FHL2: variants seen among roughly 807,000 people sequenced by gnomAD.
FHL2 encodes four and a half LIM domains protein 2.
Under a neutral mutation model 32.7 loss-of-function variants are expected in FHL2, and 20 were observed. The observed-to-expected ratio is 0.61, with a 90% CI of 0.43 to 0.89. The LOEUF (loss-of-function observed/expected upper bound fraction) is 0.89, where lower values mean the gene tolerates loss of function less well. FHL2 is among the 40% of genes least tolerant of loss of function. The pLI, the probability that FHL2 is intolerant of heterozygous loss-of-function variation, is 0.00. For synonymous variants in FHL2, 123 were observed against 128.1 expected, an observed-to-expected ratio of 0.96 and a Z score of 0.27; for missense variants, 311 against 358.6, an observed-to-expected ratio of 0.87 and a Z score of 1.07.
Position 105,363,415 on chromosome 2 carries a change from G to A in FHL2, c.558C>T (p.Phe186=), listed in dbSNP as rs892899914. The part of the protein sequence containing the change: ...YREQPWHKEC[F]VCTACRKQLS... ...GCTGCTTCCTGCAGGCGGTGCACAC[G>A]AAGCACTCCTTGTGCCAGGGCTGCT... Residue 186 remains phenylalanine (F), a synonymous_variant, in exon 6 of 7, where the codon TTC becomes TTT. Coordinates refer to ENST00000530340, the MANE Select transcript of FHL2 (RefSeq NM_001318895.3). 5.0e-6 allele frequency: 8 copies of A among 1,613,288 alleles called. No individual in the cohort carries two copies. The highest frequency in any genetic ancestry group is 1.6e-4 in the Middle Eastern group (1 of 6,062).
At chr2:105,428,183 T>G (rs1684319384) in intron 1 of FHL2, among the ~76,000 whole-genome samples, 1 of 152,150 alleles carries the variant, frequency 6.6e-6, no homozygotes, top group Non-Finnish European at 1.5e-5. Flanking sequence ...AAAGGTCCTT[T>G]TAGATTCCAG....
intron 1 of FHL2, among the ~76,000 whole-genome samples, chr2:105,421,279 C>T (rs1684097145): frequency 6.6e-6 from 1 of 152,206 alleles, no homozygotes; most frequent in African/African-American, 2.4e-5. Context: ...TGTCAGTGAT[C>T]TGGGGCTTTG....
In FHL2 at chr2:105,398,903, A is replaced by G. The variant is rs769683877; in HGVS notation, c.-137T>C. 144 of 1,531,148 alleles carry G rather than the reference A, an allele frequency of 9.4e-5. No individual in the cohort carries two copies. Among genetic ancestry groups the G allele is most frequent in the Non-Finnish European group, 1.2e-4 (132 of 1,142,068 alleles). The allele number at this position is 1,531,148 out of a possible 1,614,324, so 94.8% of individuals were successfully genotyped here. A position where few individuals can be genotyped will look rare whatever the true frequency, so the allele number is the denominator to read the frequency against. On this transcript the variant is annotated 5_prime_UTR_variant, in exon 1 of 7. Transcript: ENST00000530340. ...GGGTCTCGCACCGGATTCGGCCCCC[A>G]CTTCCGAGCCCTGGTGGCTAAGCCC...
chr2:105,435,173 TTATTTTTGATGG>T (rs149657937), intron 1 of FHL2, among the ~76,000 whole-genome samples: 3,343 of 152,292 alleles, frequency 0.022, 131 homozygotes, highest in African/African-American at 0.077. Context: ...TATGCAAACT[TTATTTTTGATGG>T]TTGCATATAT....
upstream of FHL2, among the ~76,000 whole-genome samples, chr2:105,404,068 G>A (rs940299889): frequency 7.2e-5 from 11 of 152,336 alleles, no homozygotes; most frequent in African/African-American, 2.6e-4. Context: ...CTACCCGGAT[G>A]GGGGCTACCC....
chr2:105,392,785 G>A (rs537055834), intron 2 of FHL2, among the ~76,000 whole-genome samples: 52 of 147,290 alleles, frequency 3.5e-4, no homozygotes, highest in African/African-American at 1.3e-3. Context: ...AGGCAGAAGA[G>A]AGGCAAGGAC....
At chr2:105,390,999 AT>A (rs36061265) in intron 2 of FHL2, among the ~76,000 whole-genome samples, 446 of 140,770 alleles carry the variant, frequency 3.2e-3, no homozygotes, top group Admixed American at 3.2e-3. Flanking sequence ...GTGTATGTGT[AT>A]TTTTTTTTTT....
chr2:105,387,862 C>T (rs114700344), intron 2 of FHL2, among the ~76,000 whole-genome samples: 1,552 of 152,214 alleles, frequency 0.01, 35 homozygotes, highest in African/African-American at 0.035. Flanking sequence ...ACCTAAATGC[C>T]CAGCGATGAC....
At position 105,383,576 on chromosome 2, in the gene FHL2, ACT is replaced by A. The variant is rs199982386; in HGVS notation, c.156+2783_156+2784del. On this transcript the variant is annotated intron_variant, in intron 3 of 6. Transcript: ENST00000530340. ...TCCCATAGGCATGCCAACATTTAAA[ACT>A]CACACACATGAACATGTCCTTTAGA... Among the ~76,000 whole-genome samples, 767 of 152,224 alleles carry A rather than the reference ACT, an allele frequency of 5.0e-3. 2 individuals are homozygous for A. The highest frequency in any genetic ancestry group is 0.018 in the African/African-American group (734 of 41,508).
chr2:105,410,417 G>A (rs867665556), intron 1 of FHL2, among the ~76,000 whole-genome samples: 4 of 152,120 alleles, frequency 2.6e-5, no homozygotes, highest in African/African-American at 7.2e-5. Flanking sequence ...AGTTGGAGAG[G>A]TGAGAGTTAA....
chr2:105,437,135 C>G lies in FHL2; in HGVS notation c.-25+1264G>C, dbSNP rs374046460. 3.9e-4 allele frequency among the ~76,000 whole-genome samples: 59 copies of G among 152,140 alleles called. No homozygotes were observed. In the South Asian group the frequency reaches 0.012, roughly 32 times the overall value. On this transcript the variant is annotated intron_variant, in intron 1 of 5. Transcript: ENST00000393352. Reference sequence around the variant, plus strand: ...ATGGTGGGTGAGCAGTCAGGGAACCCCGTATTGGAAAATATGCAACTTTTC... The same window carrying G: ...ATGGTGGGTGAGCAGTCAGGGAACCGCGTATTGGAAAATATGCAACTTTTC...
chr2:105,419,492 C>G (rs1266781730), intron 1 of FHL2, among the ~76,000 whole-genome samples: 1 of 152,172 alleles, frequency 6.6e-6, no homozygotes, highest in East Asian at 1.9e-4. Context: ...AGGTGTTTCT[C>G]CTCCCATCTT....
intron 1 of FHL2, among the ~76,000 whole-genome samples, chr2:105,407,453 T>A (rs909404301): frequency 9.4e-5 from 14 of 148,806 alleles, no homozygotes; most frequent in African/African-American, 3.2e-4. Flanking sequence ...GGCTGCTATA[T>A]AATGGCTCTA....
At chr2:105,378,066 C>A in intron 3 of FHL2, 1 of 471,202 alleles carries the variant, frequency 2.1e-6, no homozygotes, top group Non-Finnish European at 4.4e-6. Context: ...TCACCACAGC[C>A]AGTGCTCCGG....
At chr2:105,405,590 T>A (rs1683604515) in intron 1 of FHL2, among the ~76,000 whole-genome samples, 1 of 152,234 alleles carries the variant, frequency 6.6e-6, no homozygotes, top group Admixed American at 6.5e-5. Context: ...GTGTTTATTT[T>A]AAACCACACC....
At chr2:105,419,586 A>G (rs534780042) in intron 1 of FHL2, among the ~76,000 whole-genome samples, 39 of 152,300 alleles carry the variant, frequency 2.6e-4, no homozygotes, top group Middle Eastern at 6.8e-3. Flanking sequence ...CCTCACCAAT[A>G]TCACCCTTAT....
At chr2:105,429,724 A>C (rs1684371027) in intron 1 of FHL2, among the ~76,000 whole-genome samples, 1 of 152,212 alleles carries the variant, frequency 6.6e-6, no homozygotes, top group South Asian at 2.1e-4. Context: ...ATCCATAGGA[A>C]ACTAGTACAG....
At chr2:105,408,364 G>C (rs1303180334) in intron 1 of FHL2, among the ~76,000 whole-genome samples, 2 of 152,188 alleles carry the variant, frequency 1.3e-5, no homozygotes, top group African/African-American at 4.8e-5. Flanking sequence ...CAAACCCACA[G>C]AGATGACTGG....
upstream of FHL2, chr2:105,399,692 T>C (rs1683392449): frequency 7.0e-7 from 1 of 1,424,030 alleles, no homozygotes; most frequent in Non-Finnish European, 9.3e-7. Context: ...CCTCCCACAT[T>C]CCAAGCCCGG....
Sources: gnomAD v4.1 joint callset for allele counts (sites outside exome capture counted in the v4.1 genomes callset) on GRCh38, gnomAD v4.1.1 for gene constraint, MANE v1.5 for transcripts, NCBI Gene and HGNC (gene_info 2026-07-23, HGNC 2026-07-21) for gene names.